Variants in EVC2 observed in about 807,000 individuals in gnomAD.
EVC2 encodes the protein EvC ciliary complex subunit 2.
A neutral mutation model predicts 149.3 loss-of-function variants in EVC2; 148 were observed. That is an observed-to-expected ratio of 0.99 (90% CI 0.87 to 1.14). EVC2 has a LOEUF of 1.14. Ranked by LOEUF, EVC2 falls within the 50% of genes most tolerant of loss-of-function variation. EVC2 has a pLI of 0.00. For missense variants in EVC2, 1,854 were observed against 1,627.3 expected (o/e 1.14, Z -2.40); for synonymous variants, 776 against 649.9 (o/e 1.19, Z -2.95).
intron 7 of EVC2, among the ~76,000 whole-genome samples, chr4:5,673,549 A>G (rs1719798294): frequency 9.3e-6 from 1 of 107,732 alleles, no homozygotes; most frequent in Admixed American, 9.3e-5. Flanking sequence ...AGAAAAAGAG[A>G]TGGTTATCCC....
intron 12 of EVC2, among the ~76,000 whole-genome samples, chr4:5,627,750 G>A (rs1716221207): frequency 6.6e-6 from 1 of 152,184 alleles, no homozygotes; most frequent in Non-Finnish European, 1.5e-5. Context: ...CCCAGGTGCT[G>A]CTCAGAAAAA....
the EVC2 span, among the ~76,000 whole-genome samples, chr4:5,529,913 G>A: frequency 6.6e-6 from 1 of 150,882 alleles, no homozygotes; most frequent in African/African-American, 2.4e-5. The surrounding 1 kb of genome is among the most constrained non-coding windows in gnomAD (Gnocchi z 4.5). Context: ...ACCTCCCGGT[G>A]CAAGCGATTC....
At chr4:5,682,859 CAAAAA>C (rs34177761) in intron 6 of EVC2, among the ~76,000 whole-genome samples, 2 of 97,172 alleles carry the variant, frequency 2.1e-5, no homozygotes, top group Non-Finnish European at 2.2e-5. Context: ...AACGCTGTCT[CAAAAA>C]AAAAAAAAAA....
At chr4:5,681,465 G>C (rs1208309912) in intron 6 of EVC2, 152 bp from the exon 7 acceptor site, 2 of 796,728 alleles carry the variant, frequency 2.5e-6, no homozygotes, top group African/African-American at 1.7e-5. Context: ...TCACCATCAG[G>C]AGGAAGGGGC....
chr4:5,546,458 C>T lies in EVC2; in HGVS notation c.3420-3246G>A, dbSNP rs538652595. On this transcript the variant is annotated intron_variant and NMD_transcript_variant, in intron 21 of 22. Coordinates refer to the EVC2 transcript ENST00000475313. ...GAAACCATCATTCTCAGCAAACTAT[C>T]GCAAGGACAAAAAACCAAACACCGC... Among the ~76,000 whole-genome samples, 4 of 152,002 alleles carry T rather than the reference C, an allele frequency of 2.6e-5. No individual in the cohort carries two copies. In the South Asian group the frequency reaches 6.2e-4, roughly 24 times the overall value.
chr4:5,680,985 G>A (rs1440782198), intron 7 of EVC2, among the ~76,000 whole-genome samples: 1 of 152,240 alleles, frequency 6.6e-6, no homozygotes, highest in East Asian at 1.9e-4. Flanking sequence ...ATAGGTAGGA[G>A]CGTGACTGGA....
At position 5,695,027 on chromosome 4, in the gene EVC2, CACAA is replaced by C. The variant is rs571634234; in HGVS notation, c.284-530_284-527del. Among the ~76,000 whole-genome samples, 299 of 152,256 alleles carry C rather than the reference CACAA, an allele frequency of 2.0e-3. 2 individuals carry two copies. Among genetic ancestry groups the C allele is most frequent in the African/African-American group, 6.7e-3 (278 of 41,552 alleles). ...TAAAGAGGATGTGTGCACGGCCAGA[CACAA>C]ACGCCTGCTGAGCCCTCCAATAGGA... On this transcript the variant is annotated intron_variant, in intron 2 of 21. Transcript: ENST00000344408.
rs1722542903 is a variant in EVC2, at chr4:5,569,852, C to T, written c.3361-1212G>A. The stretch of plus-strand genomic sequence containing the variant: ...AAAGGTGCTGTTCCAAATACCAAAG[C>T]TCCTTCCACGTCCTGACGCTCCCCA... On this transcript the variant is annotated intron_variant, in intron 19 of 21. Coordinates refer to ENST00000344408, the MANE Select transcript of EVC2 (RefSeq NM_147127.5). This position sits in a 1 kb window ranked among gnomAD's most constrained non-coding sequence, Gnocchi z 4.8. Among the ~76,000 whole-genome samples, 1 of 152,116 alleles carries T rather than the reference C, an allele frequency of 6.6e-6. No homozygotes were observed. Among genetic ancestry groups the T allele is most frequent in the South Asian group, 2.1e-4 (1 of 4,820 alleles).
intron 9 of EVC2, among the ~76,000 whole-genome samples, chr4:5,644,343 T>C (rs1429678235): frequency 4.6e-5 from 7 of 152,208 alleles, no homozygotes; most frequent in Admixed American, 2.6e-4. Context: ...TTTCACTCTG[T>C]TGCCAGGCTA....
At chr4:5,705,083 C>T (rs1722048720) in intron 1 of EVC2, among the ~76,000 whole-genome samples, 1 of 152,200 alleles carries the variant, frequency 6.6e-6, no homozygotes, top group South Asian at 2.1e-4. Context: ...GATAATGTTA[C>T]ATCATATCTG....
downstream of EVC2, among the ~76,000 whole-genome samples, chr4:5,541,550 A>T (rs144994122): frequency 1.1e-4 from 16 of 152,286 alleles, no homozygotes; most frequent in African/African-American, 3.8e-4. Context: ...CCCTCCGTAC[A>T]TGTTTGGAAT....
At chr4:5,653,032 C>G (rs980379731) in intron 9 of EVC2, among the ~76,000 whole-genome samples, 6 of 152,162 alleles carry the variant, frequency 3.9e-5, no homozygotes, top group Non-Finnish European at 7.3e-5. Context: ...CATGCCAGCT[C>G]GGTGTTGCCA....
rs947230018 is a variant in EVC2 at position 5,633,635 on chromosome 4, T to A, written c.1471-1603A>T. 6.6e-6 allele frequency among the ~76,000 whole-genome samples: 1 copy of A among 152,204 alleles called. No homozygotes were observed. Among genetic ancestry groups the A allele is most frequent in the Admixed American group, 6.5e-5 (1 of 15,284 alleles). On this transcript the variant is annotated intron_variant, in intron 10 of 21. Transcript: ENST00000344408. The surrounding 1 kb of genome is among the most constrained non-coding windows in gnomAD (Gnocchi z 4.4). ...GATGCGTGGGTACAGCCATCCCAAATGGCCAATAAAGGCCTGGCCTTGGGA... is the reference window on the plus strand; with the variant it reads ...GATGCGTGGGTACAGCCATCCCAAAAGGCCAATAAAGGCCTGGCCTTGGGA...
intron 6 of EVC2, among the ~76,000 whole-genome samples, chr4:5,683,694 G>T (rs543489318): frequency 1.3e-5 from 2 of 152,062 alleles, no homozygotes; most frequent in African/African-American, 2.4e-5. Context: ...GGGAAGCCAC[G>T]AGGAAGGTCC....
At chr4:5,593,583 G>A (rs780551345) in intron 16 of EVC2, among the ~76,000 whole-genome samples, 2 of 152,184 alleles carry the variant, frequency 1.3e-5, no homozygotes, top group Admixed American at 1.3e-4. Context: ...CATTCTAGGG[G>A]GTGGAGCAAA....
At chr4:5,544,882 C>A (rs1195893974) in intron 21 of EVC2, among the ~76,000 whole-genome samples, 1 of 152,154 alleles carries the variant, frequency 6.6e-6, no homozygotes, top group Admixed American at 6.5e-5. Context: ...GCCCTGCCCA[C>A]CCTGGCTCCC....
At chr4:5,601,830 C>T (rs866095360) in intron 16 of EVC2, among the ~76,000 whole-genome samples, 2 of 152,086 alleles carry the variant, frequency 1.3e-5, no homozygotes, top group African/African-American at 4.8e-5. Flanking sequence ...CAGTGTGACC[C>T]CAAGATGGCA....
chr4:5,593,939 G>A (rs1356066287), intron 16 of EVC2, among the ~76,000 whole-genome samples: 2 of 152,310 alleles, frequency 1.3e-5, no homozygotes, highest in Middle Eastern at 3.4e-3. Context: ...GGCTTGGAGG[G>A]TCCTACACCC....
intron 16 of EVC2, among the ~76,000 whole-genome samples, chr4:5,587,343 T>A (rs779974446): frequency 2.6e-5 from 4 of 152,238 alleles, no homozygotes; most frequent in Non-Finnish European, 5.9e-5. Flanking sequence ...GGATATTTCA[T>A]ACAAATGGAA....
Sources: allele counts gnomAD v4.1 joint callset (sites outside exome capture counted in the v4.1 genomes callset), GRCh38; gene constraint gnomAD v4.1.1; non-coding constraint Gnocchi (gnomAD v3.1); transcripts MANE v1.5; gene names NCBI Gene and HGNC (gene_info 2026-07-23, HGNC 2026-07-21).